PSD3: variants seen among roughly 807,000 people sequenced by gnomAD.
The protein encoded by PSD3 is PH and SEC7 domain-containing protein 3.
In PSD3, 49 loss-of-function variants were observed where a neutral mutation model predicts 105.5. The ratio of observed to expected loss-of-function variants is 0.46; its 90% confidence interval spans 0.37 to 0.59. The LOEUF is 0.59. Ranked by LOEUF, PSD3 falls within the 20% of genes least tolerant of loss-of-function variation. The pLI is 0.00. For synonymous variants in PSD3, 557 were observed against 457.8 expected (o/e 1.22, Z -2.77); for missense variants, 1,561 against 1,263.8 (o/e 1.24, Z -3.57).
intron 1 of PSD3, among the ~76,000 whole-genome samples, chr8:19,077,438 A>G (rs1213750333): frequency 6.6e-6 from 1 of 152,184 alleles, no homozygotes; most frequent in Non-Finnish European, 1.5e-5. Context: ...AAAAACAGTC[A>G]TAGCTGCTGA....
chr8:18,634,482 A>G (rs188920325), intron 10 of PSD3, among the ~76,000 whole-genome samples: 50 of 152,242 alleles, frequency 3.3e-4, no homozygotes, highest in African/African-American at 1.2e-3. Context: ...GTTTAATACA[A>G]TGAATTAAAC....
intron 1 of PSD3, among the ~76,000 whole-genome samples, chr8:19,033,090 C>CAAAG (rs773769632): frequency 1.3e-5 from 2 of 148,958 alleles, no homozygotes; most frequent in Non-Finnish European, 3.0e-5. Flanking sequence ...TATCTCAAAA[C>CAAAG]AAACAAACAA....
intron 11 of PSD3, among the ~76,000 whole-genome samples, chr8:18,614,350 A>C (rs13273158): frequency 0.62 from 82,335 of 133,288 alleles, 24,334 homozygotes; most frequent in Middle Eastern, 0.8. Context: ...TCCCCCCCCC[A>C]AAAAAATCAG....
chr8:18,867,994 G>A lies in PSD3; in HGVS notation c.1314C>T (p.Thr438=), dbSNP rs376599499. The part of the protein sequence containing the change: ...ILGPGYTEDS[T]DVYSSQFETI... The stretch of plus-strand genomic sequence containing the variant: ...TTTCAAACTGGGAGCTGTACACGTC[G>A]GTGGAGTCCTCCGTATATCCAGGCC... Residue 438 remains threonine, a synonymous_variant, in exon 4 of 16, where the codon ACC becomes ACT. Transcript: ENST00000327040. The A allele has an allele frequency of 3.0e-5, 49 of 1,614,098 alleles. No individual in the cohort carries two copies. Among genetic ancestry groups the A allele is most frequent in the African/African-American group, 5.3e-5 (4 of 75,010 alleles).
rs1240382273 is a variant in PSD3, at chr8:19,074,592, CATATAT to C, written c.324+9608_324+9613del. 1.7e-3 allele frequency among the ~76,000 whole-genome samples: 111 copies of C among 65,992 alleles called. 9 individuals carry two copies. Among genetic ancestry groups the C allele is most frequent in the South Asian group, 3.6e-3 (7 of 1,924 alleles). 43.3% of individuals were successfully genotyped at this position (65,992 alleles called of 152,430 possible). A position where few individuals can be genotyped will look rare whatever the true frequency, so the allele number is the denominator to read the frequency against. On this transcript the variant is annotated intron_variant, in intron 1 of 1. Coordinates refer to the PSD3 transcript ENST00000521475. ...TATAATTTTACAACTCAGATATATA[CATATAT>C]ATATATATATATATTTTTTTTTTTT...
At position 18,544,856 on chromosome 8, in the gene PSD3, C is replaced by A. The variant is rs193224234; in HGVS notation, c.2929-8898G>T. The stretch of plus-strand genomic sequence containing the variant: ...TCTATCTTACTCTTCAGTGCCCCTA[C>A]GGAGTTTCCTGGACAGGCCCTTCAG... On this transcript the variant is annotated intron_variant, in intron 15 of 15. Transcript: ENST00000327040. Among the ~76,000 whole-genome samples the A allele has an allele frequency of 3.3e-5, 5 of 152,102 alleles. No homozygotes were observed. The East Asian group carries it at 7.7e-4, about 24-fold the overall frequency.
Position 18,871,979 on chromosome 8 carries a change from C to A in PSD3, c.885G>T (p.Arg295=), listed in dbSNP as rs748339207. The change falls in exon 3 of 16, where the codon CGG becomes CGT. Residue 295 remains arginine, a synonymous_variant. Coordinates refer to ENST00000327040, the MANE Select transcript of PSD3 (RefSeq NM_015310.4). Reference sequence around the variant, plus strand: ...CTCCTTGAAATTCCACATGTTTGACCCGGCCTGGGCGTCCCATGGAGCTGC... The same window carrying A: ...CTCCTTGAAATTCCACATGTTTGACACGGCCTGGGCGTCCCATGGAGCTGC... ...DRSSSMGRPG[R]VKHVEFQGVE... The A allele has an allele frequency of 6.8e-6, 11 of 1,614,002 alleles. No individual in the cohort carries two copies. The highest frequency in any genetic ancestry group is 2.2e-5 in the East Asian group (1 of 44,876).
intron 9 of PSD3, among the ~76,000 whole-genome samples, chr8:18,696,597 A>T (rs1368836167): frequency 6.6e-6 from 1 of 152,154 alleles, no homozygotes; most frequent in Non-Finnish European, 1.5e-5. Flanking sequence ...TACTAATTGC[A>T]TTTTCCCCAG....
At chr8:18,719,200 G>A (rs2129425619) in intron 9 of PSD3, among the ~76,000 whole-genome samples, 1 of 152,280 alleles carries the variant, frequency 6.6e-6, no homozygotes, top group East Asian at 1.9e-4. Context: ...AGATGGGTAT[G>A]AGTGGACGCC....
chr8:18,539,547 CTT>C lies in PSD3; in HGVS notation c.2929-3591_2929-3590del, dbSNP rs547299808. On this transcript the variant is annotated intron_variant, in intron 15 of 15. Transcript: ENST00000327040. Reference sequence around the variant, plus strand: ...CAGCAAGAAGTATATTAGTAAATTACTTTTTTTTTTTTTTTTTTTGAGACGGA... The same window carrying C: ...CAGCAAGAAGTATATTAGTAAATTACTTTTTTTTTTTTTTTTTGAGACGGA... Among the ~76,000 whole-genome samples the C allele has an allele frequency of 4.6e-4, 62 of 133,798 alleles. No homozygotes were observed. The South Asian group carries it at 4.9e-3, about 11-fold the overall frequency. The allele number at this position is 133,798 out of a possible 152,430, so 87.8% of individuals were successfully genotyped here.
intron 2 of PSD3, among the ~76,000 whole-genome samples, chr8:18,875,360 G>C (rs1422592339): frequency 6.6e-6 from 1 of 152,120 alleles, no homozygotes; most frequent in Admixed American, 6.5e-5. Flanking sequence ...TTCAAACAAT[G>C]AATTGAAAAA....
At chr8:18,556,142 C>T (rs1004160301) in intron 15 of PSD3, 67 bp downstream of exon 15, 27 of 1,532,512 alleles carry the variant, frequency 1.8e-5, no homozygotes, top group Non-Finnish European at 2.3e-5. Context: ...AAGAAAGATA[C>T]CGCCTCATGG....
chr8:18,594,615 T>C lies in PSD3; in HGVS notation c.2481+5749A>G, dbSNP rs139724486. Reference sequence around the variant, plus strand: ...AGAAACAAGAAAGTATAAAGCTCAATAGCAAAAGTAAACAGAGACAGGACT... The same window carrying C: ...AGAAACAAGAAAGTATAAAGCTCAACAGCAAAAGTAAACAGAGACAGGACT... On this transcript the variant is annotated intron_variant, in intron 12 of 15. Transcript: ENST00000327040. 1.0e-3 allele frequency among the ~76,000 whole-genome samples: 155 copies of C among 150,928 alleles called. 4 individuals carry two copies. In the East Asian group the frequency reaches 0.028, roughly 27 times the overall value.
chr8:18,834,284 T>A (rs1315771916), intron 4 of PSD3, among the ~76,000 whole-genome samples: 2 of 152,138 alleles, frequency 1.3e-5, no homozygotes, highest in African/African-American at 4.8e-5. Flanking sequence ...GCAACACCAC[T>A]AAGCAAAATT....
chr8:18,550,085 C>T (rs1234176403), intron 15 of PSD3, among the ~76,000 whole-genome samples: 1 of 152,124 alleles, frequency 6.6e-6, no homozygotes, highest in Non-Finnish European at 1.5e-5. Context: ...GAAGATAATA[C>T]CTTTACCCAA....
At chr8:18,774,589 C>A in intron 8 of PSD3, 2 of 375,752 alleles carry the variant, frequency 5.3e-6, no homozygotes, top group South Asian at 2.2e-5. Flanking sequence ...ACAGCCTGTT[C>A]CTGCTGCTGC....
Position 18,741,795 on chromosome 8 carries a change from T to TA in PSD3, c.2172+23653dup, listed in dbSNP as rs3042866. 2.6e-3 allele frequency among the ~76,000 whole-genome samples: 204 copies of TA among 79,652 alleles called. 3 individuals carry two copies. Among genetic ancestry groups the TA allele is most frequent in the South Asian group, 0.011 (23 of 2,062 alleles). 52.3% of individuals were successfully genotyped at this position (79,652 alleles called of 152,430 possible). A position where few individuals can be genotyped will look rare whatever the true frequency, so the allele number is the denominator to read the frequency against. ...CAACACACTGCATCTAATTTTATTGTAAAAAAAAAAAAAAAAAAAAAAAAG... is the reference window on the plus strand; with the variant it reads ...CAACACACTGCATCTAATTTTATTGTAAAAAAAAAAAAAAAAAAAAAAAAAG... On this transcript the variant is annotated intron_variant, in intron 9 of 15. Transcript: ENST00000327040.
At chr8:19,059,972 T>C (rs537308677) in intron 1 of PSD3, among the ~76,000 whole-genome samples, 39 of 152,360 alleles carry the variant, frequency 2.6e-4, no homozygotes, top group African/African-American at 9.1e-4. Context: ...TGAGCAAGCC[T>C]GCACGGGCTG....
In PSD3 at chr8:18,871,856, C is replaced by T. The variant is rs1239862723; in HGVS notation, c.1008G>A (p.Glu336=). 1.2e-6 allele frequency: 2 copies of T among 1,614,218 alleles called. No homozygotes were observed. Among genetic ancestry groups the T allele is most frequent in the Non-Finnish European group, 1.7e-6 (2 of 1,180,028 alleles). ...LQRTASPDSK[E]SSKVPRHLIS... ...TGAGATGGCGTGGCACTTTGGAAGACTCTTTGCTGTCAGGAGAGGCTGTTC... is the reference window on the plus strand; with the variant it reads ...TGAGATGGCGTGGCACTTTGGAAGATTCTTTGCTGTCAGGAGAGGCTGTTC... The change falls in exon 3 of 16, where the codon GAG becomes GAA. Residue 336 remains glutamate, a synonymous_variant. Transcript: ENST00000327040.
Sources: gnomAD v4.1 joint callset for allele counts (sites outside exome capture counted in the v4.1 genomes callset) on GRCh38, gnomAD v4.1.1 for gene constraint, MANE v1.5 for transcripts, NCBI Gene and HGNC (gene_info 2026-07-23, HGNC 2026-07-21) for gene names.